ASIC2: variants seen among roughly 807,000 people sequenced by gnomAD.
ASIC2 encodes the protein acid sensing ion channel subunit 2.
Under a neutral mutation model 57.3 loss-of-function variants are expected in ASIC2, and 25 were observed. The observed-to-expected ratio is 0.44, with a 90% CI of 0.32 to 0.61. ASIC2 has a LOEUF of 0.61. ASIC2 is among the 20% of genes least tolerant of loss of function. ASIC2 has a pLI of 0.06. For missense variants in ASIC2, 641 were observed against 738.1 expected (o/e 0.87, Z 1.52); for synonymous variants, 319 against 307.5 (o/e 1.04, Z -0.39).
chr17:33,440,023 C>T (rs1911769640), intron 1 of ASIC2, among the ~76,000 whole-genome samples: 1 of 152,212 alleles, frequency 6.6e-6, no homozygotes, highest in Non-Finnish European at 1.5e-5. Flanking sequence ...GTATAATTTA[C>T]ATGCCATAAA....
intron 1 of ASIC2, among the ~76,000 whole-genome samples, chr17:33,767,028 G>A (rs1394430435): frequency 1.3e-5 from 2 of 152,144 alleles, no homozygotes; most frequent in African/African-American, 4.8e-5. Context: ...TATTTGCCCT[G>A]GACCAGGCTG....
chr17:33,716,496 C>G (rs775893679), intron 1 of ASIC2, among the ~76,000 whole-genome samples: 29 of 152,200 alleles, frequency 1.9e-4, no homozygotes, highest in Non-Finnish European at 3.7e-4. Flanking sequence ...AAAGTGGGAG[C>G]TATTTCCAAA....
At chr17:33,572,133 A>ATG (rs1341152130) in intron 1 of ASIC2, 9 of 152,366 alleles carry the variant, frequency 5.9e-5, no homozygotes, top group African/African-American at 2.2e-4. Context: ...GTGCATATAT[A>ATG]TTAGCAGGAT....
At chr17:33,905,420 A>G (rs1162739037) in intron 1 of ASIC2, among the ~76,000 whole-genome samples, 1 of 152,158 alleles carries the variant, frequency 6.6e-6, no homozygotes, top group Non-Finnish European at 1.5e-5. Flanking sequence ...CTCATTCATC[A>G]GAGGATAGAG....
At chr17:33,798,913 G>T (rs1911999777) in intron 1 of ASIC2, among the ~76,000 whole-genome samples, 1 of 152,128 alleles carries the variant, frequency 6.6e-6, no homozygotes, top group Admixed American at 6.5e-5. Flanking sequence ...GACTACATTA[G>T]GTGGGTTCCT....
intron 3 of ASIC2, among the ~76,000 whole-genome samples, chr17:33,054,443 G>C (rs2091989958): frequency 6.6e-6 from 1 of 152,140 alleles, no homozygotes; most frequent in Admixed American, 6.5e-5. Context: ...CTGCCTCTAA[G>C]GGCTTTTCCG....
chr17:33,760,293 G>A (rs1463306581), intron 1 of ASIC2, among the ~76,000 whole-genome samples: 1 of 151,894 alleles, frequency 6.6e-6, no homozygotes, highest in Non-Finnish European at 1.5e-5. Context: ...TATATATATA[G>A]TATTTATAAA....
chr17:33,683,782 A>C (rs532467820), intron 1 of ASIC2, among the ~76,000 whole-genome samples: 1 of 152,090 alleles, frequency 6.6e-6, no homozygotes, highest in African/African-American at 2.4e-5. Context: ...GGCTCAAGCA[A>C]TCCTCCCACA....
intron 1 of ASIC2, among the ~76,000 whole-genome samples, chr17:33,765,144 C>A (rs560525971): frequency 1.3e-5 from 2 of 151,912 alleles, no homozygotes; most frequent in African/African-American, 2.4e-5. Flanking sequence ...CTCGCTCTGT[C>A]GCCCAGGCTA....
At chr17:33,135,767 T>C (rs962492995) in intron 1 of ASIC2, among the ~76,000 whole-genome samples, 18 of 152,220 alleles carry the variant, frequency 1.2e-4, no homozygotes, top group Admixed American at 1.3e-4. Context: ...CAACCCTGCC[T>C]CTGCCTGTTG....
chr17:33,386,800 G>A (rs1909697993), intron 1 of ASIC2, among the ~76,000 whole-genome samples: 1 of 152,166 alleles, frequency 6.6e-6, no homozygotes, highest in Admixed American at 6.5e-5. Context: ...ATGACTCGCA[G>A]ACTTCCTGCG....
At chr17:33,016,128 G>A in intron 8 of ASIC2, 89 bp from the exon 9 acceptor site, 2 of 1,282,032 alleles carry the variant, frequency 1.6e-6, no homozygotes, top group South Asian at 2.5e-5. Flanking sequence ...CACTGGGGTG[G>A]CAGCTGCTTG....
chr17:33,156,704 C>T (rs557266304), intron 1 of ASIC2, among the ~76,000 whole-genome samples: 3 of 151,920 alleles, frequency 2.0e-5, no homozygotes, highest in South Asian at 2.1e-4. Context: ...TGCAGTGAGC[C>T]GAGATTGTGA....
chr17:33,915,440 A>C (rs1915562742), intron 1 of ASIC2, among the ~76,000 whole-genome samples: 1 of 151,910 alleles, frequency 6.6e-6, no homozygotes, highest in Admixed American at 6.6e-5. Context: ...CATCTCTCTC[A>C]CCTTCAATGT....
At chr17:33,865,339 CT>C (rs898577921) in intron 1 of ASIC2, among the ~76,000 whole-genome samples, 4 of 152,288 alleles carry the variant, frequency 2.6e-5, no homozygotes, top group Admixed American at 2.6e-4. Context: ...ACCCTGTTTC[CT>C]TCCTTTTTCA....
At chr17:33,067,600 A>G (rs1356858869) in intron 3 of ASIC2, among the ~76,000 whole-genome samples, 3 of 152,276 alleles carry the variant, frequency 2.0e-5, no homozygotes, top group Non-Finnish European at 4.4e-5. Flanking sequence ...TATTCTTTAG[A>G]GTGCAGTTCA....
rs978020445 is a variant in ASIC2 at position 34,156,372 on chromosome 17, C to A, written c.161G>T (p.Gly54Val). ...CTCAGAGCTCTCCACCAGCAGCAGG[C>A]CCAGAGAGCCCACGAAGGCCACTGC... The change falls in exon 1 of 10, where the codon GGC becomes GTC. Residue 54 changes from glycine to valine, a missense_variant. Transcript: ENST00000359872. This position sits in a 1 kb window ranked among gnomAD's most constrained non-coding sequence, Gnocchi z 4.4. 1 of 1,614,182 alleles carries A rather than the reference C, an allele frequency of 6.2e-7. No homozygotes were observed. Among genetic ancestry groups the A allele is most frequent in the Admixed American group, 1.7e-5 (1 of 60,034 alleles).
At chr17:33,089,088 G>T in intron 2 of ASIC2, 98 bp from the exon 3 acceptor site, 1 of 1,498,240 alleles carries the variant, frequency 6.7e-7, no homozygotes, top group Non-Finnish European at 9.0e-7. Flanking sequence ...AAAAGACCCT[G>T]TGATAAGCAG....
At chr17:33,654,907 T>A (rs1302144177) in intron 1 of ASIC2, among the ~76,000 whole-genome samples, 2 of 151,950 alleles carry the variant, frequency 1.3e-5, no homozygotes, top group African/African-American at 4.8e-5. Flanking sequence ...AGGTGGGAGG[T>A]TCGCTTGAGA....
Sources: gnomAD v4.1 joint callset for allele counts (sites outside exome capture counted in the v4.1 genomes callset) on GRCh38, gnomAD v4.1.1 for gene constraint, Gnocchi (gnomAD v3.1) non-coding constraint, MANE v1.5 for transcripts, NCBI Gene and HGNC (gene_info 2026-07-23, HGNC 2026-07-21) for gene names.